CCDC178: variants seen among roughly 807,000 people sequenced by gnomAD.
CCDC178 encodes the protein coiled-coil domain-containing protein 178.
A neutral mutation model predicts 117.4 loss-of-function variants in CCDC178; 126 were observed. The ratio of observed to expected loss-of-function variants is 1.07; its 90% CI spans 0.93 to 1.24. The LOEUF (loss-of-function observed/expected upper bound fraction) is 1.24, where lower values mean the gene tolerates loss of function less well. Ranked by LOEUF, CCDC178 falls within the 50% of genes most tolerant of loss-of-function variation. The pLI, the probability that CCDC178 is intolerant of heterozygous loss-of-function variation, is 0.00. For missense variants in CCDC178, 1,030 were observed against 986.9 expected, an observed-to-expected ratio of 1.04 and a Z score of -0.59; for synonymous variants, 283 against 313.4, an observed-to-expected ratio of 0.90 and a Z score of 1.02.
intron 11 of CCDC178, among the ~76,000 whole-genome samples, chr18:33,297,552 G>A (rs1054492929): frequency 2.6e-5 from 4 of 152,200 alleles, no homozygotes; most frequent in African/African-American, 7.2e-5. Flanking sequence ...CAATTTATAT[G>A]CTAATAAAAT....
In CCDC178 at chr18:33,385,254, C is replaced by T. The variant is rs565083262; in HGVS notation, c.208+4286G>A. Among the ~76,000 whole-genome samples, 22 of 152,266 alleles carry T rather than the reference C, an allele frequency of 1.4e-4. No homozygotes were observed. The South Asian group carries it at 4.6e-3, about 32-fold the overall frequency. On this transcript the variant is annotated intron_variant, in intron 5 of 22. Coordinates refer to ENST00000383096, the MANE Select transcript of CCDC178 (RefSeq NM_001105528.4). ...ACCTACAAAGAGACTTAGACCTCCA[C>T]ACAATAATAGAGGGAGACTTTAATA...
At chr18:33,105,150 T>C (rs1327423551) in intron 20 of CCDC178, among the ~76,000 whole-genome samples, 1 of 151,672 alleles carries the variant, frequency 6.6e-6, no homozygotes, top group Non-Finnish European at 1.5e-5. Flanking sequence ...TCTTAATTAA[T>C]TGATACTAAA....
chr18:33,184,373 G>T (rs1230437144), intron 20 of CCDC178, among the ~76,000 whole-genome samples: 1 of 151,970 alleles, frequency 6.6e-6, no homozygotes, highest in Non-Finnish European at 1.5e-5. Context: ...CAAAGTAACG[G>T]CTACTTACAA....
intron 16 of CCDC178, among the ~76,000 whole-genome samples, chr18:33,225,637 G>A (rs1326780427): frequency 3.9e-5 from 6 of 152,156 alleles, no homozygotes; most frequent in African/African-American, 1.2e-4. Flanking sequence ...ATAACACATC[G>A]TGGAATATAT....
intron 21 of CCDC178, among the ~76,000 whole-genome samples, chr18:33,076,072 A>G (rs185018651): frequency 6.6e-6 from 1 of 152,356 alleles, no homozygotes; most frequent in African/African-American, 2.4e-5. Flanking sequence ...ATTTCTTCTA[A>G]ATGCATGCTT....
chr18:33,097,015 A>G (rs538614471), intron 20 of CCDC178, among the ~76,000 whole-genome samples: 1 of 152,244 alleles, frequency 6.6e-6, no homozygotes, highest in South Asian at 2.1e-4. Context: ...AAATGGCCAC[A>G]GCAATATTTT....
intron 10 of CCDC178, among the ~76,000 whole-genome samples, chr18:33,326,855 T>A (rs1463836400): frequency 6.6e-6 from 1 of 152,080 alleles, no homozygotes; most frequent in Non-Finnish European, 1.5e-5. Context: ...GTTGTGCACT[T>A]AAAGAGGTAT....
chr18:33,249,533 C>T (rs2144705997), intron 14 of CCDC178, among the ~76,000 whole-genome samples: 1 of 152,106 alleles, frequency 6.6e-6, no homozygotes, highest in East Asian at 1.9e-4. Context: ...GAATCCTTTC[C>T]CCATTGCTTG....
chr18:33,159,917 A>C (rs1430778932), intron 20 of CCDC178, among the ~76,000 whole-genome samples: 3 of 152,110 alleles, frequency 2.0e-5, no homozygotes, highest in Non-Finnish European at 4.4e-5. Flanking sequence ...TTCTAACAGG[A>C]CAGATGACCC....
At chr18:32,997,604 A>ATG (rs572970731) in intron 21 of CCDC178, among the ~76,000 whole-genome samples, 384 of 151,472 alleles carry the variant, frequency 2.5e-3, no homozygotes, top group Admixed American at 8.3e-3. Flanking sequence ...CATAAAGTGT[A>ATG]TGTGTGTGTG....
intron 4 of CCDC178, among the ~76,000 whole-genome samples, chr18:33,389,928 A>G (rs1312669918): frequency 6.6e-6 from 1 of 151,300 alleles, no homozygotes; most frequent in African/African-American, 2.4e-5. Context: ...TGTGAAAATT[A>G]GCAAGGCAGA....
At chr18:33,371,707 C>A (rs1022952638) in intron 5 of CCDC178, among the ~76,000 whole-genome samples, 3 of 151,646 alleles carry the variant, frequency 2.0e-5, no homozygotes, top group African/African-American at 4.8e-5. Context: ...TTTGACCATA[C>A]TCTGAACACA....
At chr18:33,064,826 A>G (rs1436917018) in intron 21 of CCDC178, among the ~76,000 whole-genome samples, 1 of 152,220 alleles carries the variant, frequency 6.6e-6, no homozygotes, top group East Asian at 1.9e-4. Context: ...GTGTCCAACA[A>G]CGAACAATAA....
intron 9 of CCDC178, among the ~76,000 whole-genome samples, chr18:33,334,772 T>G (rs773429806): frequency 4.6e-5 from 7 of 152,038 alleles, no homozygotes; most frequent in Non-Finnish European, 1.0e-4. Context: ...AATTGCATAT[T>G]AAGCCCCACG....
rs181774506 is a variant in CCDC178, at chr18:33,361,434, C to T, written c.349-5088G>A. ...AGCTCCTTCACATTGGTCTTGACAA[C>T]AACTTTTGGGAATCACACCAAAAAT... is the stretch of plus-strand genomic sequence containing the variant. On this transcript the variant is annotated intron_variant, in intron 6 of 22. Transcript: ENST00000383096. 5.3e-5 allele frequency among the ~76,000 whole-genome samples: 8 copies of T among 151,480 alleles called. No individual in the cohort carries two copies. The East Asian group carries it at 1.2e-3, about 22-fold the overall frequency.
At chr18:32,966,230 T>A (rs533408133) in intron 22 of CCDC178, among the ~76,000 whole-genome samples, 1 of 151,858 alleles carries the variant, frequency 6.6e-6, no homozygotes, top group Non-Finnish European at 1.5e-5. Flanking sequence ...GAAATCCTAC[T>A]CTCACTATAT....
intron 11 of CCDC178, among the ~76,000 whole-genome samples, chr18:33,305,103 T>G (rs1046042182): frequency 6.6e-6 from 1 of 152,130 alleles, no homozygotes; most frequent in Non-Finnish European, 1.5e-5. Context: ...GTTGAAGGAT[T>G]AGCTTTCTCT....
At chr18:33,106,846 G>T (rs1456126079) in intron 20 of CCDC178, among the ~76,000 whole-genome samples, 1 of 151,676 alleles carries the variant, frequency 6.6e-6, no homozygotes, top group East Asian at 1.9e-4. Flanking sequence ...TATGGGAATT[G>T]AGATCCGTCA....
At chr18:33,309,438 T>C (rs970945916) in intron 11 of CCDC178, among the ~76,000 whole-genome samples, 1 of 152,158 alleles carries the variant, frequency 6.6e-6, no homozygotes, top group African/African-American at 2.4e-5. Flanking sequence ...TAAATACACA[T>C]AAATAGGATA....
Sources: gnomAD v4.1 joint callset for allele counts (sites outside exome capture counted in the v4.1 genomes callset) on GRCh38, gnomAD v4.1.1 for gene constraint, MANE v1.5 for transcripts, NCBI Gene and HGNC (gene_info 2026-07-23, HGNC 2026-07-21) for gene names.